The following NOL3 variants were observed in gnomAD, a reference collection of about 807,000 sequenced individuals.
The protein encoded by NOL3 is muscle-enriched cytoplasmic protein.
In NOL3, 18 loss-of-function variants were observed where a neutral mutation model predicts 19.2. That is an observed-to-expected ratio of 0.94 (90% CI 0.65 to 1.39). NOL3 has a LOEUF of 1.39. NOL3 is among the 40% of genes most tolerant of loss of function. The pLI, the probability that NOL3 is intolerant of heterozygous loss-of-function variation, is 0.00. For synonymous variants in NOL3, 127 were observed against 137.3 expected (o/e 0.93, Z 0.52); for missense variants, 290 against 289.5 (o/e 1.00, Z -0.01).
exon 3 of NOL3, chr16:67,174,935 G>A: frequency 6.2e-7 from 1 of 1,611,538 alleles, no homozygotes; most frequent in Non-Finnish European, 8.5e-7. Context: ...GGAAAGGGAC[G>A]AGTCCGAAGG....
chr16:67,174,708 C>G (rs755455245), exon 3 of NOL3: 1 of 1,608,530 alleles, frequency 6.2e-7, no homozygotes, highest in Admixed American at 1.7e-5. Context: ...CCCGGGTTGC[C>G]CAGAGCTTCA....
At position 67,173,648 on chromosome 16, in the gene NOL3, G is replaced by T. The variant is rs551760724; in HGVS notation, c.-8-514G>T. 24 of 579,286 alleles carry T rather than the reference G, an allele frequency of 4.1e-5. No homozygotes were observed. In the African/African-American group the frequency reaches 4.5e-4, roughly 11 times the overall value. 35.9% of individuals were successfully genotyped at this position (579,286 alleles called of 1,614,324 possible). A position where few individuals can be genotyped will look rare whatever the true frequency, so the allele number is the denominator to read the frequency against. ...CAGAAGGCTGGACTTAGTAAGTGGT[G>T]AGGATGGTGAGAGAAATATTCAGCA... On this transcript the variant is annotated intron_variant, in intron 1 of 3. Transcript: ENST00000268605.
In NOL3 at chr16:67,174,602, A is replaced by AGTCG. The variant is rs765375032; in HGVS notation, c.296-19_296-18insGTCG. Reference sequence around the variant, plus strand: ...CACAGGGGTAAATTGAGCCTCAGTCACTCCCACTTCCGCCCCAGGCTACCG... The same window carrying AGTCG: ...CACAGGGGTAAATTGAGCCTCAGTCAGTCGCTCCCACTTCCGCCCCAGGCTACCG... On this transcript the variant is annotated intron_variant, in intron 2 of 3. Transcript: ENST00000268605. 3,574 of 1,520,906 alleles carry AGTCG rather than the reference A, an allele frequency of 2.3e-3. 7 individuals are homozygous for AGTCG. Among genetic ancestry groups the AGTCG allele is most frequent in the Middle Eastern group, 0.013 (53 of 4,006 alleles). The allele number at this position is 1,520,906 out of a possible 1,614,324, so 94.2% of individuals were successfully genotyped here.
At chr16:67,172,675 G>A (rs1039472340) in intron 1 of NOL3, 2 of 151,150 alleles carry the variant, frequency 1.3e-5, no homozygotes, top group African/African-American at 4.9e-5. Context: ...GGTAGAGATA[G>A]TCTCTCAAGA....
At chr16:67,174,495 G>C (rs1597255047) in intron 2 of NOL3, 31 bp downstream of exon 2, 1 of 1,471,202 alleles carries the variant, frequency 6.8e-7, no homozygotes, top group Non-Finnish European at 8.9e-7. Context: ...CTAGGGCAGA[G>C]CAGGGACGGG....
chr16:67,173,438 G>A (rs2031892238), intron 1 of NOL3, among the ~76,000 whole-genome samples: 2 of 152,316 alleles, frequency 1.3e-5, no homozygotes, highest in Non-Finnish European at 2.9e-5. Flanking sequence ...GCACTATGGT[G>A]GTGGTGTTGG....
chr16:67,173,391 A>G (rs2031887329), intron 1 of NOL3, among the ~76,000 whole-genome samples: 1 of 152,196 alleles, frequency 6.6e-6, no homozygotes, highest in African/African-American at 2.4e-5. Flanking sequence ...CTCAGGAATC[A>G]GGGGACCAGG....
chr16:67,174,192 C>G (rs978489271), exon 2 of NOL3: 19 of 1,611,264 alleles, frequency 1.2e-5, no homozygotes, highest in Non-Finnish European at 1.4e-5. Flanking sequence ...CAGGAGCGGC[C>G]GTCAGAGACT....
At chr16:67,174,187 G>T (rs2031961644) in exon 2 of NOL3, 1 of 1,610,848 alleles carries the variant, frequency 6.2e-7, no homozygotes, top group Admixed American at 1.7e-5. Context: ...ACGCGCAGGA[G>T]CGGCCGTCAG....
intron 1 of NOL3, among the ~76,000 whole-genome samples, chr16:67,172,504 G>A (rs1047190894): frequency 6.6e-6 from 1 of 151,458 alleles, no homozygotes; most frequent in African/African-American, 2.4e-5. Context: ...TCAGCTACTC[G>A]GGAGGCTGAG....
rs146699716 is a variant in NOL3 at position 67,171,419 on chromosome 16, G to A, written c.-9+845G>A. 2.5e-3 allele frequency: 387 copies of A among 152,452 alleles called. 2 individuals are homozygous for A. Among genetic ancestry groups the A allele is most frequent in the Non-Finnish European group, 4.8e-3 (327 of 68,120 alleles). The allele number at this position is 152,452 out of a possible 1,614,324, so 9.4% of individuals were successfully genotyped here. A position where few individuals can be genotyped will look rare whatever the true frequency, so the allele number is the denominator to read the frequency against. On this transcript the variant is annotated intron_variant, in intron 1 of 3. Transcript: ENST00000268605. ...AGGAGAAAAGGATTCCAGTCTTAGC[G>A]ATCAGCATCAGCAAAGGCTCCGAGG...
chr16:67,174,609 CT>C lies in NOL3; in HGVS notation c.296-10del. The stretch of plus-strand genomic sequence containing the variant: ...GTAAATTGAGCCTCAGTCACTCCCA[CT>C]TCCGCCCCAGGCTACCGGGACCGCA... On this transcript the variant is annotated splice_polypyrimidine_tract_variant and intron_variant, in intron 2 of 3. Transcript: ENST00000268605. 6.6e-7 allele frequency: 1 copy of C among 1,523,968 alleles called. No homozygotes were observed. Among genetic ancestry groups the C allele is most frequent in the Non-Finnish European group, 8.8e-7 (1 of 1,140,068 alleles). The allele number at this position is 1,523,968 out of a possible 1,614,324, so 94.4% of individuals were successfully genotyped here.
chr16:67,174,771 C>A, exon 3 of NOL3: 1 of 1,608,382 alleles, frequency 6.2e-7, no homozygotes, highest in South Asian at 1.1e-5. Context: ...CAATCCGGGA[C>A]CCCGGAGGAG....
chr16:67,172,333 C>G (rs2031813465), intron 1 of NOL3, among the ~76,000 whole-genome samples: 1 of 152,162 alleles, frequency 6.6e-6, no homozygotes, highest in Non-Finnish European at 1.5e-5. Flanking sequence ...GACAAAGCAG[C>G]TGGGTGCGGT....
chr16:67,174,425 G>C (rs2031995819), exon 2 of NOL3: 1 of 1,523,672 alleles, frequency 6.6e-7, no homozygotes, highest in Non-Finnish European at 8.8e-7. Context: ...TACCGCGGGC[G>C]CGCCGGACCC....
At chr16:67,175,008 G>A (rs757074796) in intron 3 of NOL3, 39 bp from the exon 4 acceptor site, 5 of 1,612,450 alleles carry the variant, frequency 3.1e-6, no homozygotes, top group Non-Finnish European at 4.2e-6. Context: ...AGCGGATGCC[G>A]GACCCCACCT....
chr16:67,175,182 G>A (rs753343054), exon 4 of NOL3: 3 of 1,566,854 alleles, frequency 1.9e-6, no homozygotes, highest in Non-Finnish European at 1.7e-6. Context: ...AACTCCGGAG[G>A]GTCGGACGGG....
chr16:67,175,287 G>A (rs771369199), exon 4 of NOL3: 16 of 1,427,150 alleles, frequency 1.1e-5, no homozygotes, highest in Middle Eastern at 2.6e-4. Flanking sequence ...AGCCCACCAC[G>A]AGCATCATCC....
Position 67,170,582 on chromosome 16 carries a change from G to C in NOL3, c.-9+8G>C, listed in dbSNP as rs939077857. 3.6e-4 allele frequency: 55 copies of C among 152,184 alleles called. No homozygotes were observed. Among genetic ancestry groups the C allele is most frequent in the African/African-American group, 1.3e-3 (53 of 41,502 alleles). The allele number at this position is 152,184 out of a possible 1,614,324, so 9.4% of individuals were successfully genotyped here. A position where few individuals can be genotyped will look rare whatever the true frequency, so the allele number is the denominator to read the frequency against. ...CCCGCCGAGGCTTGACCCGTGAGTG[G>C]GGACGCCCAAAACGGGCCAGACCGG... On this transcript the variant is annotated splice_region_variant and intron_variant, in intron 1 of 3. Coordinates refer to ENST00000268605, the Ensembl canonical transcript of NOL3. This position sits in a 1 kb window ranked among gnomAD's most constrained non-coding sequence, Gnocchi z 5.7.
Sources: allele counts gnomAD v4.1 joint callset (sites outside exome capture counted in the v4.1 genomes callset), GRCh38; gene constraint gnomAD v4.1.1; non-coding constraint Gnocchi (gnomAD v3.1); transcripts MANE v1.5; gene names NCBI Gene and HGNC (gene_info 2026-07-23, HGNC 2026-07-21).